TBC1D14: variants seen among roughly 807,000 people sequenced by gnomAD.
TBC1D14 encodes TBC1 domain family, member 14.
A neutral mutation model predicts 79.0 loss-of-function variants in TBC1D14; 26 were observed. The ratio of observed to expected loss-of-function variants is 0.33; its 90% confidence interval spans 0.24 to 0.46. The LOEUF (loss-of-function observed/expected upper bound fraction) is 0.46. Ranked by LOEUF, TBC1D14 falls within the 20% of genes least tolerant of loss-of-function variation. The pLI, the probability that TBC1D14 is intolerant of heterozygous loss-of-function variation, is 1.00. For missense variants in TBC1D14, 769 were observed against 887.6 expected (o/e 0.87, Z 1.70); for synonymous variants, 394 against 349.9 (o/e 1.13, Z -1.40).
intron 10 of TBC1D14, among the ~76,000 whole-genome samples, chr4:7,010,305 T>C (rs1191973620): frequency 6.6e-6 from 1 of 152,222 alleles, no homozygotes; most frequent in Non-Finnish European, 1.5e-5. Flanking sequence ...CATGCATGGT[T>C]TGATATTAAG....
At chr4:6,918,581 G>T (rs1207242929) in intron 1 of TBC1D14, among the ~76,000 whole-genome samples, 1 of 152,216 alleles carries the variant, frequency 6.6e-6, no homozygotes, top group African/African-American at 2.4e-5. Flanking sequence ...CGAGGAAGAG[G>T]GAAGTTGAGG....
intron 3 of TBC1D14, among the ~76,000 whole-genome samples, chr4:6,976,176 T>C (rs1716697579): frequency 6.6e-6 from 1 of 152,086 alleles, no homozygotes; most frequent in Non-Finnish European, 1.5e-5. Context: ...CTTAGGAACA[T>C]GTGGGGCAGT....
intron 2 of TBC1D14, among the ~76,000 whole-genome samples, chr4:6,964,317 C>T (rs1039909199): frequency 2.6e-5 from 4 of 152,174 alleles, no homozygotes; most frequent in Admixed American, 6.5e-5. Context: ...CCACACTCCG[C>T]GGCTTCTGTG....
chr4:6,940,587 G>C (rs994675383), intron 2 of TBC1D14, among the ~76,000 whole-genome samples: 2 of 152,056 alleles, frequency 1.3e-5, no homozygotes, highest in Non-Finnish European at 2.9e-5. Flanking sequence ...GACCTCTAGT[G>C]CACATTTAAA....
At chr4:7,004,467 G>A (rs1404781227) in intron 7 of TBC1D14, among the ~76,000 whole-genome samples, 2 of 152,196 alleles carry the variant, frequency 1.3e-5, no homozygotes, top group Non-Finnish European at 2.9e-5. Flanking sequence ...GGGTTGCTCT[G>A]TGTCAATTCC....
In TBC1D14 at chr4:6,923,426, G is replaced by C. The variant is rs374685226; in HGVS notation, c.37G>C (p.Val13Leu). Residue 13 changes from valine to leucine, a missense_variant, in exon 2 of 14, where the codon GTA becomes CTA. Transcript: ENST00000409757. ...AAAACTCTCCACCTCTACAAATGGCGTAGCCTTCATGGGTATTCTGGATGG... is the reference window on the plus strand; with the variant it reads ...AAAACTCTCCACCTCTACAAATGGCCTAGCCTTCATGGGTATTCTGGATGG... ...DGKLSTSTNGVAFMGILDGRP... is the reference protein window; with the variant it reads ...DGKLSTSTNGLAFMGILDGRP... 99 of 1,613,714 alleles carry C rather than the reference G, an allele frequency of 6.1e-5. No homozygotes were observed. Among genetic ancestry groups the C allele is most frequent in the Non-Finnish European group, 7.1e-5 (84 of 1,179,828 alleles).
chr4:6,940,607 T>C (rs1424414760), intron 2 of TBC1D14, among the ~76,000 whole-genome samples: 1 of 151,912 alleles, frequency 6.6e-6, no homozygotes, highest in Admixed American at 6.6e-5. Flanking sequence ...ATATGGGAGA[T>C]GACGGGGGTG....
chr4:6,965,226 T>G (rs1325887687), intron 2 of TBC1D14, among the ~76,000 whole-genome samples: 1 of 151,948 alleles, frequency 6.6e-6, no homozygotes, highest in Non-Finnish European at 1.5e-5. Context: ...GGTGTGATCT[T>G]GGCTCACTAC....
intron 3 of TBC1D14, among the ~76,000 whole-genome samples, chr4:6,983,663 A>G (rs1207742850): frequency 2.6e-5 from 4 of 152,226 alleles, no homozygotes; most frequent in East Asian, 1.9e-4. Context: ...GGTTAATTAC[A>G]TATCATACTT....
At chr4:7,011,838 G>A (rs1240124173) in intron 11 of TBC1D14, among the ~76,000 whole-genome samples, 4 of 151,824 alleles carry the variant, frequency 2.6e-5, no homozygotes, top group Non-Finnish European at 5.9e-5. Context: ...GATTACAGGC[G>A]TGAGCCACTG....
intron 2 of TBC1D14, among the ~76,000 whole-genome samples, chr4:6,951,697 T>G (rs928038513): frequency 4.9e-4 from 74 of 152,142 alleles, no homozygotes; most frequent in African/African-American, 1.8e-3. Context: ...TCGAATGATC[T>G]AATACATTTC....
chr4:6,955,824 C>T (rs1384724119), intron 2 of TBC1D14, among the ~76,000 whole-genome samples: 8 of 152,154 alleles, frequency 5.3e-5, no homozygotes, highest in Non-Finnish European at 1.2e-4. Flanking sequence ...CCTGCCTCTC[C>T]AGCTGTCCTC....
At chr4:6,998,845 A>G (rs1230269806) in intron 5 of TBC1D14, 5 of 426,262 alleles carry the variant, frequency 1.2e-5, no homozygotes, top group Non-Finnish European at 2.1e-5. Context: ...GGCCAACTGA[A>G]TCGTATTCTT....
chr4:6,987,387 C>T, intron 3 of TBC1D14: 1 of 1,396,262 alleles, frequency 7.2e-7, no homozygotes, highest in Non-Finnish European at 9.4e-7. Context: ...TCCCTGCGCC[C>T]CAGGCCTGCC....
chr4:7,021,283 A>G (rs930965059), intron 12 of TBC1D14, among the ~76,000 whole-genome samples: 3 of 152,238 alleles, frequency 2.0e-5, no homozygotes, highest in Admixed American at 1.3e-4. Flanking sequence ...GAGACACGTC[A>G]TTTGTTTAGC....
Position 6,939,061 on chromosome 4 carries a change from T to C in TBC1D14, c.722+14950T>C, listed in dbSNP as rs974677478. Among the ~76,000 whole-genome samples, 3 of 152,134 alleles carry C rather than the reference T, an allele frequency of 2.0e-5. No individual in the cohort carries two copies. The East Asian group carries it at 5.8e-4, about 29-fold the overall frequency. On this transcript the variant is annotated intron_variant, in intron 2 of 13. Transcript: ENST00000409757. ...GTGAAACCCTCTCCGGCTCAGCCGGTGGCCTCTTCCTCATCAGCAGTGGAC... is the reference window on the plus strand; with the variant it reads ...GTGAAACCCTCTCCGGCTCAGCCGGCGGCCTCTTCCTCATCAGCAGTGGAC...
At chr4:7,018,054 T>A (rs1721451475) in intron 12 of TBC1D14, among the ~76,000 whole-genome samples, 1 of 152,142 alleles carries the variant, frequency 6.6e-6, no homozygotes, top group Admixed American at 6.5e-5. Flanking sequence ...TGTACCTATT[T>A]CTGGGCACAG....
Position 6,951,811 on chromosome 4 carries a change from C to G in TBC1D14, c.723-15493C>G, listed in dbSNP as rs189061176. 2.6e-3 allele frequency among the ~76,000 whole-genome samples: 391 copies of G among 152,194 alleles called. 1 individual carries two copies. The highest frequency in any genetic ancestry group is 8.8e-3 in the African/African-American group (367 of 41,514). On this transcript the variant is annotated intron_variant, in intron 2 of 13. Coordinates refer to ENST00000409757, the MANE Select transcript of TBC1D14 (RefSeq NM_020773.3). ...GACTTCACCAGTAAGGCCATTTGAC[C>G]TGGAGTTTTCTTTGTGAGTTTCTAA... is the stretch of plus-strand genomic sequence containing the variant.
intron 2 of TBC1D14, among the ~76,000 whole-genome samples, chr4:6,931,373 G>T (rs1156444232): frequency 5.3e-5 from 8 of 152,182 alleles, no homozygotes; most frequent in Non-Finnish European, 1.2e-4. Flanking sequence ...ACCAAGCATT[G>T]ATTCAGCACC....
Sources: allele counts gnomAD v4.1 joint callset (sites outside exome capture counted in the v4.1 genomes callset), GRCh38; gene constraint gnomAD v4.1.1; transcripts MANE v1.5; gene names NCBI Gene and HGNC (gene_info 2026-07-23, HGNC 2026-07-21).